The following TCF12 variants were observed in gnomAD, a reference collection of about 807,000 sequenced individuals.
TCF12 encodes transcription factor 12.
A neutral mutation model predicts 86.0 loss-of-function variants in TCF12; 45 were observed. The ratio of observed to expected loss-of-function variants is 0.52; its 90% confidence interval spans 0.41 to 0.67. The LOEUF (loss-of-function observed/expected upper bound fraction) is 0.67. Among genes scored for constraint, TCF12 ranks in the 30% least tolerant of loss-of-function variants. TCF12 has a pLI of 0.00. For synonymous variants in TCF12, 330 were observed against 299.6 expected, an observed-to-expected ratio of 1.10 and a Z score of -1.05; for missense variants, 881 against 859.9, an observed-to-expected ratio of 1.02 and a Z score of -0.31.
intron 3 of TCF12, among the ~76,000 whole-genome samples, chr15:56,929,984 G>T (rs1198951583): frequency 6.6e-6 from 1 of 152,138 alleles, no homozygotes; most frequent in Non-Finnish European, 1.5e-5. Flanking sequence ...ATTTGCTTCT[G>T]TTAGTTTTGC....
At position 57,232,726 on chromosome 15, in the gene TCF12, C is replaced by G; in HGVS notation, c.840C>G (p.His280Gln). 1 of 1,611,890 alleles carries G rather than the reference C, an allele frequency of 6.2e-7. No individual in the cohort carries two copies. The highest frequency in any genetic ancestry group is 8.5e-7 in the Non-Finnish European group (1 of 1,178,986). The part of the protein sequence containing the change: ...HSHDRLSYPP[H>Q]SVSPTDINTS... ...TTTCCATCTAGAGTTATCCTCCACACTCAGTTTCACCAACAGACATAAACA... is the reference window on the plus strand; with the variant it reads ...TTTCCATCTAGAGTTATCCTCCACAGTCAGTTTCACCAACAGACATAAACA... Residue 280 changes from histidine (H) to glutamine (Q), a missense_variant, in exon 11 of 21, where the codon CAC (histidine) becomes CAG (glutamine). His to Gln is a conservative substitution (Grantham distance 24). This residue lies in a region of TCF12 where 766 missense variants were observed against 718.9 expected (regional missense o/e 1.07). Transcript: ENST00000333725.
chr15:56,934,593 C>A lies in TCF12; in HGVS notation c.148+13495C>A, dbSNP rs546820952. On this transcript the variant is annotated intron_variant, in intron 3 of 20. Coordinates refer to ENST00000333725, the MANE Select transcript of TCF12 (RefSeq NM_207037.2). The stretch of plus-strand genomic sequence containing the variant: ...CTGCAGCATCCAGTATTGTCCCTTT[C>A]CATTTAGAGTGTCTGTCTGGGTATA... Among the ~76,000 whole-genome samples, 11 of 152,286 alleles carry A rather than the reference C, an allele frequency of 7.2e-5. 1 individual carries two copies. The highest frequency in any genetic ancestry group is 2.6e-4 in the African/African-American group (11 of 41,548).
chr15:57,067,684 C>T (rs1025837595), intron 4 of TCF12, among the ~76,000 whole-genome samples: 12 of 152,012 alleles, frequency 7.9e-5, no homozygotes, highest in Non-Finnish European at 1.5e-4. Flanking sequence ...ACATTTGTTC[C>T]TTCCTCTCTA....
intron 3 of TCF12, among the ~76,000 whole-genome samples, chr15:57,011,827 C>T (rs1381649531): frequency 6.6e-6 from 1 of 152,124 alleles, no homozygotes; most frequent in Non-Finnish European, 1.5e-5. Flanking sequence ...GGCAGACTTT[C>T]CATCAATTTT....
intron 17 of TCF12, 34 bp downstream of exon 17, chr15:57,262,242 G>A (rs375935159): frequency 7.1e-7 from 1 of 1,411,562 alleles, no homozygotes; most frequent in East Asian, 2.3e-5. Flanking sequence ...AAATAATGCA[G>A]ACAGAGATAT....
chr15:57,055,270 C>T (rs940017841), intron 3 of TCF12, among the ~76,000 whole-genome samples: 2 of 152,030 alleles, frequency 1.3e-5, no homozygotes, highest in Admixed American at 6.5e-5. Flanking sequence ...AGTGTGGTGG[C>T]GCACGCCGGT....
intron 7 of TCF12, among the ~76,000 whole-genome samples, chr15:57,195,809 C>T (rs1489044171): frequency 2.0e-5 from 3 of 152,086 alleles, no homozygotes; most frequent in Non-Finnish European, 4.4e-5. Context: ...TCAAAACCAG[C>T]CTGGGCAACA....
intron 5 of TCF12, among the ~76,000 whole-genome samples, chr15:57,145,184 A>C (rs2053269474): frequency 6.6e-6 from 1 of 152,184 alleles, no homozygotes; most frequent in Non-Finnish European, 1.5e-5. Flanking sequence ...GTTATTCTGC[A>C]GGGTATTCTG....
chr15:56,931,347 C>A (rs1226914357), intron 3 of TCF12, among the ~76,000 whole-genome samples: 2 of 152,098 alleles, frequency 1.3e-5, no homozygotes, highest in African/African-American at 4.8e-5. Context: ...TGATATTTCT[C>A]TGGTCAGTTA....
chr15:57,098,579 G>T (rs1419577250), intron 5 of TCF12, among the ~76,000 whole-genome samples: 1 of 152,162 alleles, frequency 6.6e-6, no homozygotes, highest in African/African-American at 2.4e-5. Flanking sequence ...AGAGGGATAA[G>T]AATTTCAACA....
chr15:57,160,474 G>C (rs371219399), intron 5 of TCF12, among the ~76,000 whole-genome samples: 3 of 152,278 alleles, frequency 2.0e-5, no homozygotes. Flanking sequence ...TTCTAGATGA[G>C]ATTTGGGTGG....
At chr15:57,097,229 C>G (rs1400394460) in intron 5 of TCF12, among the ~76,000 whole-genome samples, 1 of 152,090 alleles carries the variant, frequency 6.6e-6, no homozygotes, top group Non-Finnish European at 1.5e-5. Flanking sequence ...AAGGGTAATA[C>G]AACCCTGCCC....
chr15:56,989,998 A>G (rs1309995372), intron 3 of TCF12, among the ~76,000 whole-genome samples: 2 of 152,022 alleles, frequency 1.3e-5, no homozygotes, highest in Non-Finnish European at 2.9e-5. Flanking sequence ...GAAGATTAAA[A>G]GACAAAAAAT....
chr15:57,277,208 C>T (rs2061438203), intron 19 of TCF12, among the ~76,000 whole-genome samples: 1 of 152,038 alleles, frequency 6.6e-6, no homozygotes. Context: ...GCCTATAGTC[C>T]CAGCTACTTG....
chr15:57,275,124 C>T (rs1254125709), intron 19 of TCF12, among the ~76,000 whole-genome samples: 1 of 152,126 alleles, frequency 6.6e-6, no homozygotes, highest in Non-Finnish European at 1.5e-5. Flanking sequence ...TGGGTACTGA[C>T]TGTTTCATAC....
intron 5 of TCF12, among the ~76,000 whole-genome samples, chr15:57,120,627 G>A (rs193011503): frequency 1.3e-5 from 2 of 152,162 alleles, no homozygotes; most frequent in Admixed American, 1.3e-4. Context: ...ATATTATATG[G>A]ACAATTATAT....
intron 5 of TCF12, among the ~76,000 whole-genome samples, chr15:57,103,267 G>A (rs1331660970): frequency 6.6e-6 from 1 of 152,150 alleles, no homozygotes; most frequent in African/African-American, 2.4e-5. Context: ...GGATTTTGAT[G>A]CAGTTTATAA....
intron 3 of TCF12, among the ~76,000 whole-genome samples, chr15:57,039,704 A>C (rs1324054391): frequency 6.6e-6 from 1 of 152,100 alleles, no homozygotes; most frequent in Non-Finnish European, 1.5e-5. Context: ...ATGCTTACTT[A>C]TTAAGTCCGT....
At chr15:57,226,685 A>G (rs754635071) in intron 8 of TCF12, among the ~76,000 whole-genome samples, 2 of 152,138 alleles carry the variant, frequency 1.3e-5, no homozygotes, top group Non-Finnish European at 2.9e-5. Flanking sequence ...ATGTTTCAGA[A>G]TGTAGGCTGA....
Sources: gnomAD v4.1 joint callset for allele counts (sites outside exome capture counted in the v4.1 genomes callset) on GRCh38, gnomAD v4.1.1 for gene constraint, gnomAD v4.1.1 regional missense constraint, MANE v1.5 for transcripts, NCBI Gene and HGNC (gene_info 2026-07-23, HGNC 2026-07-21) for gene names.